The following ABTB3 variants were observed in gnomAD, a reference collection of about 807,000 sequenced individuals.
The protein encoded by ABTB3 is ankyrin repeat- and BTB/POZ domain-containing protein 3.
chr12:107,324,000 G>C, the ABTB3 span, among the ~76,000 whole-genome samples: 1 of 152,180 alleles, frequency 6.6e-6, no homozygotes, highest in Non-Finnish European at 1.5e-5. Flanking sequence ...TTTTCTAGCT[G>C]TGTGTTCTTA....
chr12:107,387,975 T>TTC, the ABTB3 span, among the ~76,000 whole-genome samples: 45 of 132,210 alleles, frequency 3.4e-4, no homozygotes, highest in African/African-American at 1.4e-3. Flanking sequence ...TCTTCTTCTT[T>TTC]TTTTTTTTTT....
chr12:107,547,904 C>T, the ABTB3 span, among the ~76,000 whole-genome samples: 3 of 152,298 alleles, frequency 2.0e-5, no homozygotes, highest in Admixed American at 6.5e-5. Flanking sequence ...CTAAAGCAGT[C>T]ACTCATATTA....
At chr12:107,404,841 C>G in the ABTB3 span, among the ~76,000 whole-genome samples, 2 of 152,288 alleles carry the variant, frequency 1.3e-5, 1 homozygote, top group East Asian at 3.9e-4. Flanking sequence ...GCTACTGTGT[C>G]CCAAATGCCA....
chr12:107,446,618 G>A, the ABTB3 span, among the ~76,000 whole-genome samples: 5 of 152,226 alleles, frequency 3.3e-5, no homozygotes, highest in South Asian at 4.2e-4. Flanking sequence ...TATGTCCTGG[G>A]GTCAGCAGAG....
At chr12:107,445,892 C>CCCTCTCCCCTCTCT in the ABTB3 span, among the ~76,000 whole-genome samples, 1 of 140,656 alleles carries the variant, frequency 7.1e-6, no homozygotes, top group Non-Finnish European at 1.5e-5. Flanking sequence ...CTCCCCTCTC[C>CCCTCTCCCCTCTCT]CCTCTCCCCT....
chr12:107,438,826 G>T, the ABTB3 span, among the ~76,000 whole-genome samples: 5 of 152,272 alleles, frequency 3.3e-5, no homozygotes, highest in Non-Finnish European at 7.4e-5. Context: ...GTTTCAGAAG[G>T]CTACAGCTGC....
At chr12:107,373,181 A>G in the ABTB3 span, among the ~76,000 whole-genome samples, 1 of 152,230 alleles carries the variant, frequency 6.6e-6, no homozygotes, top group Admixed American at 6.5e-5. Flanking sequence ...TGTTGGAAGA[A>G]TGAATGAACT....
chr12:107,339,777 G>T, the ABTB3 span, among the ~76,000 whole-genome samples: 3 of 152,120 alleles, frequency 2.0e-5, no homozygotes, highest in Admixed American at 2.0e-4. Context: ...TAGCTTCTGA[G>T]TGTGGGTTGA....
chr12:107,573,497 G>T, the ABTB3 span, among the ~76,000 whole-genome samples: 1 of 152,134 alleles, frequency 6.6e-6, no homozygotes, highest in East Asian at 1.9e-4. Context: ...TGGATGGATG[G>T]ATGGATGGAT....
the ABTB3 span, among the ~76,000 whole-genome samples, chr12:107,640,804 G>C: frequency 1.3e-5 from 2 of 152,198 alleles, no homozygotes; most frequent in African/African-American, 4.8e-5. Flanking sequence ...TTCCCTAACT[G>C]TGGAGTTAAC....
At chr12:107,635,615 C>A in the ABTB3 span, among the ~76,000 whole-genome samples, 2 of 152,152 alleles carry the variant, frequency 1.3e-5, no homozygotes, top group Admixed American at 1.3e-4. Flanking sequence ...AAGGGACTTT[C>A]TCCCCTAGAC....
chr12:107,398,672 G>GC, the ABTB3 span, among the ~76,000 whole-genome samples: 10 of 152,204 alleles, frequency 6.6e-5, no homozygotes, highest in Non-Finnish European at 1.5e-4. Flanking sequence ...ACATGAAGCA[G>GC]CAATTTAGGA....
At chr12:107,645,059 G>A in the ABTB3 span, among the ~76,000 whole-genome samples, 3 of 145,104 alleles carry the variant, frequency 2.1e-5, no homozygotes, top group East Asian at 2.0e-4. Flanking sequence ...TGCAACCTCC[G>A]CCTCCCGGGT....
At chr12:107,320,803 A>C in the ABTB3 span, among the ~76,000 whole-genome samples, 19 of 152,016 alleles carry the variant, frequency 1.2e-4, no homozygotes, top group African/African-American at 4.4e-4. Flanking sequence ...AGGGAGCTGC[A>C]GCTCTCACCA....
the ABTB3 span, among the ~76,000 whole-genome samples, chr12:107,547,277 A>C: frequency 6.6e-6 from 1 of 152,104 alleles, no homozygotes; most frequent in East Asian, 1.9e-4. Context: ...CAACAACCAC[A>C]ACCCTCTGAT....
the ABTB3 span, chr12:107,320,143 GC>G: frequency 7.4e-7 from 1 of 1,356,418 alleles, no homozygotes; most frequent in Non-Finnish European, 9.6e-7. Context: ...AGTTTGCCTC[GC>G]GTCCCCCTCC....
At chr12:107,566,925 T>C in the ABTB3 span, among the ~76,000 whole-genome samples, 1 of 151,982 alleles carries the variant, frequency 6.6e-6, no homozygotes, top group Admixed American at 6.6e-5. Context: ...CCAGCCTGGG[T>C]AACAGAGGGA....
chr12:107,443,510 G>T, the ABTB3 span, among the ~76,000 whole-genome samples: 1 of 152,048 alleles, frequency 6.6e-6, no homozygotes, highest in African/African-American at 2.4e-5. Flanking sequence ...AACAGCAAGT[G>T]CAAAGGCCCT....
At chr12:107,521,247 CAT>C in the ABTB3 span, among the ~76,000 whole-genome samples, 1 of 145,980 alleles carries the variant, frequency 6.9e-6, no homozygotes, top group African/African-American at 2.6e-5. Flanking sequence ...TCGCTGGTCA[CAT>C]GTCTTCATAT....
Sources: allele counts gnomAD v4.1 joint callset (sites outside exome capture counted in the v4.1 genomes callset), GRCh38; gene constraint gnomAD v4.1.1; transcripts MANE v1.5; gene names NCBI Gene and HGNC (gene_info 2026-07-23, HGNC 2026-07-21).